ZNF713: variants seen among roughly 807,000 people sequenced by gnomAD.
ZNF713 encodes the protein zinc finger protein 713.
In ZNF713, 21 loss-of-function variants were observed where a neutral mutation model predicts 28.7. The observed-to-expected ratio is 0.73, with a 90% confidence interval of 0.52 to 1.05. The LOEUF is 1.05. ZNF713 is among the 50% of genes least tolerant of loss of function. The pLI is 0.00. For synonymous variants in ZNF713, 167 were observed against 178.0 expected (o/e 0.94, Z 0.49); for missense variants, 458 against 532.4 (o/e 0.86, Z 1.37).
intron 4 of ZNF713, among the ~76,000 whole-genome samples, chr7:55,921,130 CT>C: frequency 6.6e-6 from 1 of 152,178 alleles, no homozygotes; most frequent in African/African-American, 2.4e-5. Flanking sequence ...GACAGCATAC[CT>C]GTTTACGCAT....
In ZNF713 at chr7:55,900,616, G is replaced by T. The variant is rs754569344; in HGVS notation, c.-582-5637G>T. On this transcript the variant is annotated intron_variant, in intron 1 of 6. Coordinates refer to ENST00000429591, the MANE Select transcript of ZNF713 (RefSeq NM_182633.3). The stretch of plus-strand genomic sequence containing the variant: ...AAGCACAGAAAAACAGAAACTCTAT[G>T]ATCTCACTTAAAACGTGGACTCTAA... Among the ~76,000 whole-genome samples the T allele has an allele frequency of 4.6e-5, 7 of 152,292 alleles. No individual in the cohort carries two copies. The South Asian group carries it at 6.2e-4, about 14-fold the overall frequency.
At chr7:55,901,973 C>T (rs1296915098) in intron 1 of ZNF713, among the ~76,000 whole-genome samples, 1 of 152,186 alleles carries the variant, frequency 6.6e-6, no homozygotes, top group Non-Finnish European at 1.5e-5. Flanking sequence ...AGGCAGATCA[C>T]CTGAGGTAAG....
rs1304065454 is a variant in ZNF713 at position 55,906,295 on chromosome 7, A to G, written c.-540A>G. The G allele has an allele frequency of 6.6e-6, 1 of 152,048 alleles. No homozygotes were observed. 9.4% of individuals were successfully genotyped at this position (152,048 alleles called of 1,614,324 possible). A position where few individuals can be genotyped will look rare whatever the true frequency, so the allele number is the denominator to read the frequency against. On this transcript the variant is annotated 5_prime_UTR_variant, in exon 2 of 7. Coordinates refer to ENST00000429591, the MANE Select transcript of ZNF713 (RefSeq NM_182633.3). Reference sequence around the variant, plus strand: ...AAGGAGGCAGGATTGAGTGACTCTCACTCACCACTGGTGTTGCTCTTTGAA... The same window carrying G: ...AAGGAGGCAGGATTGAGTGACTCTCGCTCACCACTGGTGTTGCTCTTTGAA...
Position 55,939,970 on chromosome 7 carries a change from A to C in ZNF713, c.1296A>C (p.Gln432His), listed in dbSNP as rs1450661539. 1 of 1,605,500 alleles carries C rather than the reference A, an allele frequency of 6.2e-7. No homozygotes were observed. Among genetic ancestry groups the C allele is most frequent in the African/African-American group, 1.3e-5 (1 of 74,822 alleles). ...AATTATGTGAATATAAATGTGAGCAAACTGTTCGCCACAGTCCTTCATTTA... is the reference window on the plus strand; with the variant it reads ...AATTATGTGAATATAAATGTGAGCACACTGTTCGCCACAGTCCTTCATTTA... ...REKLCEYKCE[Q>H]TVRHSPSFSS... The change falls in exon 7 of 7, where the codon CAA (glutamine) becomes CAC (histidine). Residue 432 changes from glutamine to histidine, a missense_variant. Coordinates refer to ENST00000429591, the MANE Select transcript of ZNF713 (RefSeq NM_182633.3).
At chr7:55,910,663 T>G (rs1448328261) in intron 2 of ZNF713, among the ~76,000 whole-genome samples, 1 of 152,016 alleles carries the variant, frequency 6.6e-6, no homozygotes, top group Non-Finnish European at 1.5e-5. Context: ...ACCCAGCTAA[T>G]TTTTGTATTT....
chr7:55,934,942 G>A (rs915025143), intron 6 of ZNF713, among the ~76,000 whole-genome samples: 3 of 147,228 alleles, frequency 2.0e-5, no homozygotes, highest in African/African-American at 7.6e-5. Context: ...AGACTGGAGT[G>A]CAGTGGCACG....
At chr7:55,913,994 C>T (rs998193352) in intron 4 of ZNF713, among the ~76,000 whole-genome samples, 3 of 151,770 alleles carry the variant, frequency 2.0e-5, no homozygotes, top group African/African-American at 7.3e-5. Flanking sequence ...TCCTGTAGTC[C>T]CAGCTACTCG....
At chr7:55,910,003 A>ATG (rs539040368) in intron 2 of ZNF713, among the ~76,000 whole-genome samples, 6,327 of 147,684 alleles carry the variant, frequency 0.043, 162 homozygotes, top group Admixed American at 0.06. Context: ...ATATACGTTT[A>ATG]TGTGTGTGTG....
At position 55,897,365 on chromosome 7, in the gene ZNF713, G is replaced by A. The variant is rs1473126415; in HGVS notation, c.-582-8888G>A. ...CATGATCACAGCTCACTGCAGCCTC[G>A]ACCTTCCAGGCTCAAGCAACCCTCT... On this transcript the variant is annotated intron_variant, in intron 1 of 6. Transcript: ENST00000429591. Among the ~76,000 whole-genome samples, 3 of 151,420 alleles carry A rather than the reference G, an allele frequency of 2.0e-5. No individual in the cohort carries two copies. In the East Asian group the frequency reaches 5.9e-4, roughly 30 times the overall value.
chr7:55,936,511 C>G (rs1196145580), intron 6 of ZNF713, among the ~76,000 whole-genome samples: 2 of 152,114 alleles, frequency 1.3e-5, no homozygotes, highest in African/African-American at 2.4e-5. Flanking sequence ...TATCTGGTTA[C>G]CCAACTTCAA....
chr7:55,938,242 G>A (rs1786393540), intron 6 of ZNF713, among the ~76,000 whole-genome samples: 1 of 152,074 alleles, frequency 6.6e-6, no homozygotes, highest in African/African-American at 2.4e-5. Context: ...AAAGCCATGG[G>A]ACCTGTTCAA....
At chr7:55,937,426 A>G (rs1184610930) in intron 6 of ZNF713, among the ~76,000 whole-genome samples, 1 of 152,116 alleles carries the variant, frequency 6.6e-6, no homozygotes, top group African/African-American at 2.4e-5. Context: ...ACTCATTGGG[A>G]GAGGGTAGAG....
intron 1 of ZNF713, among the ~76,000 whole-genome samples, chr7:55,904,283 G>A (rs1785637523): frequency 9.0e-6 from 1 of 111,600 alleles, no homozygotes; most frequent in African/African-American, 3.2e-5. Flanking sequence ...GCAACGTGGT[G>A]AAACCTCACT....
chr7:55,912,568 C>T lies in ZNF713; in HGVS notation c.-2-67C>T. 5.9e-6 allele frequency: 7 copies of T among 1,185,036 alleles called. No homozygotes were observed. In the South Asian group the frequency reaches 7.9e-5, roughly 13 times the overall value. 73.4% of individuals were successfully genotyped at this position (1,185,036 alleles called of 1,614,324 possible). On this transcript the variant is annotated intron_variant, in intron 3 of 6. Transcript: ENST00000429591. Reference sequence around the variant, plus strand: ...TACTGTCTGCCATACCTACACAAAGCAGAATCTCCAGGATTTAAATTTAAC... The same window carrying T: ...TACTGTCTGCCATACCTACACAAAGTAGAATCTCCAGGATTTAAATTTAAC...
intron 4 of ZNF713, among the ~76,000 whole-genome samples, chr7:55,917,743 C>T (rs1211897748): frequency 1.3e-5 from 2 of 151,520 alleles, no homozygotes; most frequent in Non-Finnish European, 2.9e-5. Context: ...AGACAGTTCA[C>T]AGCAAATAAA....
chr7:55,895,159 G>T (rs999995496), intron 1 of ZNF713, among the ~76,000 whole-genome samples: 1 of 152,194 alleles, frequency 6.6e-6, no homozygotes, highest in Admixed American at 6.5e-5. Flanking sequence ...AAGGAGATAA[G>T]TTAGAAGGGA....
intron 4 of ZNF713, among the ~76,000 whole-genome samples, chr7:55,922,897 C>A (rs958119399): frequency 1.3e-5 from 2 of 152,094 alleles, no homozygotes; most frequent in Non-Finnish European, 2.9e-5. Flanking sequence ...GTTTTTTAAT[C>A]ATTTGGATGA....
At chr7:55,895,451 C>CTTTTTTTTTTTTT (rs55972416) in intron 1 of ZNF713, among the ~76,000 whole-genome samples, 1 of 82,376 alleles carries the variant, frequency 1.2e-5, no homozygotes, top group African/African-American at 3.8e-5. Context: ...CTGTTATACT[C>CTTTTTTTTTTTTT]TTTTTTTTTT....
chr7:55,938,595 G>T (rs1320962131), intron 6 of ZNF713, among the ~76,000 whole-genome samples: 1 of 152,108 alleles, frequency 6.6e-6, no homozygotes, highest in Non-Finnish European at 1.5e-5. Context: ...TCAAGTCATT[G>T]GCGTATGAGA....
Sources: allele counts gnomAD v4.1 joint callset (sites outside exome capture counted in the v4.1 genomes callset), GRCh38; gene constraint gnomAD v4.1.1; transcripts MANE v1.5; gene names NCBI Gene and HGNC (gene_info 2026-07-23, HGNC 2026-07-21).